Variants in NDRG1 observed in about 807,000 individuals in gnomAD.
NDRG1 encodes the protein protein NDRG1.
Under a neutral mutation model 56.9 loss-of-function variants are expected in NDRG1, and 32 were observed. The observed-to-expected ratio is 0.56, with a 90% CI of 0.42 to 0.76. The LOEUF is 0.76. NDRG1 is among the 30% of genes least tolerant of loss of function. The pLI is 0.00. For synonymous variants in NDRG1, 211 were observed against 204.1 expected (o/e 1.03, Z -0.29); for missense variants, 507 against 545.7 (o/e 0.93, Z 0.71).
chr8:133,251,589 T>C (rs1465225813), intron 9 of NDRG1, among the ~76,000 whole-genome samples: 2 of 152,222 alleles, frequency 1.3e-5, no homozygotes, highest in Non-Finnish European at 2.9e-5. Context: ...ACAGAGACAG[T>C]GGCTGTGAAT....
chr8:133,239,224 GAAGACTT>G, intron 15 of NDRG1, 105 bp from the exon 16 acceptor site: 1 of 1,515,996 alleles, frequency 6.6e-7, no homozygotes, highest in South Asian at 1.2e-5. Context: ...CAGCCCCAGA[GAAGACTT>G]GATCCCTGCA....
At position 133,238,302 on chromosome 8, in the gene NDRG1, G is replaced by A. The variant is rs747618608; in HGVS notation, c.*576C>T. 2 of 232,570 alleles carry A rather than the reference G, an allele frequency of 8.6e-6. No individual in the cohort carries two copies. The highest frequency in any genetic ancestry group is 1.7e-5 in the Non-Finnish European group (2 of 117,770). 14.4% of individuals were successfully genotyped at this position (232,570 alleles called of 1,614,324 possible). ...AAATCGGTTTCTTCAAGTTAACTAC[G>A]TAGATTTGTTGTTCCAAATGCCTCT... is the stretch of plus-strand genomic sequence containing the variant. On this transcript the variant is annotated 3_prime_UTR_variant, in exon 16 of 16. Transcript: ENST00000323851.
intron 4 of NDRG1, among the ~76,000 whole-genome samples, chr8:133,263,129 C>T (rs1305096781): frequency 6.6e-6 from 1 of 152,174 alleles, no homozygotes; most frequent in Non-Finnish European, 1.5e-5. Context: ...ATTCCAGTTC[C>T]TTGTCAGAGT....
chr8:133,264,417 CA>C, intron 4 of NDRG1, 129 bp downstream of exon 4: 1 of 820,170 alleles, frequency 1.2e-6, no homozygotes, highest in Non-Finnish European at 2.0e-6. Context: ...GAGTTCTTCC[CA>C]GAACAGCCCC....
At chr8:133,283,965 G>T (rs1586488882) in intron 2 of NDRG1, among the ~76,000 whole-genome samples, 1 of 152,240 alleles carries the variant, frequency 6.6e-6, no homozygotes, top group South Asian at 2.1e-4. Context: ...CCAGAGAAGT[G>T]GGCAAGGGGC....
chr8:133,291,552 G>A (rs1287263306), intron 1 of NDRG1, among the ~76,000 whole-genome samples: 2 of 152,160 alleles, frequency 1.3e-5, no homozygotes, highest in Non-Finnish European at 2.9e-5. Flanking sequence ...TTCACGAACT[G>A]TCTTTCTTAA....
intron 3 of NDRG1, among the ~76,000 whole-genome samples, chr8:133,271,866 G>A (rs1214068372): frequency 6.9e-6 from 1 of 145,276 alleles, no homozygotes; most frequent in Non-Finnish European, 1.5e-5. Context: ...GTAGCCAGGA[G>A]GAACACGATA....
chr8:133,243,473 C>T (rs915313549), intron 14 of NDRG1, among the ~76,000 whole-genome samples: 2 of 152,194 alleles, frequency 1.3e-5, no homozygotes, highest in African/African-American at 2.4e-5. Context: ...ATTGCAAGGA[C>T]CTAATTTAAT....
intron 3 of NDRG1, 91 bp from the exon 4 acceptor site, chr8:133,264,743 T>G: frequency 9.0e-7 from 1 of 1,107,584 alleles, no homozygotes; most frequent in Non-Finnish European, 1.4e-6. Context: ...AACTGTGTTT[T>G]GAGGAAGCTC....
chr8:133,259,266 C>T lies in NDRG1; in HGVS notation c.327-36G>A, dbSNP rs199684605. The T allele has an allele frequency of 3.1e-5, 49 of 1,597,172 alleles. No individual in the cohort carries two copies. In the East Asian group the frequency reaches 5.6e-4, roughly 18 times the overall value. Reference sequence around the variant, plus strand: ...CACAGAGAAGCCATTAGTGAGCGCCCGGACAGAAACGGGTAATCCAAACAG... The same window carrying T: ...CACAGAGAAGCCATTAGTGAGCGCCTGGACAGAAACGGGTAATCCAAACAG... On this transcript the variant is annotated intron_variant, in intron 5 of 15. Coordinates refer to ENST00000323851, the MANE Select transcript of NDRG1 (RefSeq NM_006096.4).
intron 14 of NDRG1, among the ~76,000 whole-genome samples, chr8:133,243,128 G>A (rs890444152): frequency 1.3e-5 from 2 of 152,228 alleles, no homozygotes; most frequent in African/African-American, 2.4e-5. Flanking sequence ...CACTGGTAGA[G>A]GCTGGGCTGA....
At chr8:133,296,064 C>G (rs1025720715) in intron 1 of NDRG1, among the ~76,000 whole-genome samples, 1 of 152,146 alleles carries the variant, frequency 6.6e-6, no homozygotes, top group African/African-American at 2.4e-5. Context: ...AATCCCAGCT[C>G]CAGCTACTAA....
At chr8:133,248,995 C>A (rs1296650406) in intron 10 of NDRG1, among the ~76,000 whole-genome samples, 4 of 152,142 alleles carry the variant, frequency 2.6e-5, no homozygotes, top group African/African-American at 9.7e-5. Flanking sequence ...GCAGAGCCCC[C>A]TCATTTTGTC....
At chr8:133,265,056 C>A (rs965471761) in intron 3 of NDRG1, 11 of 288,480 alleles carry the variant, frequency 3.8e-5, no homozygotes, top group African/African-American at 2.4e-4. Context: ...TGGCTTGGGG[C>A]TACACAGAAT....
rs570565199 is a variant in NDRG1, at chr8:133,250,154, T to C, written c.698+286A>G. The stretch of plus-strand genomic sequence containing the variant: ...CGTGAAGGTCAGCAGCGGGCACACA[T>C]ATTTACTCTCAACCCTCTGAGTGTG... On this transcript the variant is annotated intron_variant, in intron 10 of 15. Coordinates refer to ENST00000323851, the MANE Select transcript of NDRG1 (RefSeq NM_006096.4). Among the ~76,000 whole-genome samples the C allele has an allele frequency of 4.6e-5, 7 of 152,326 alleles. No homozygotes were observed. In the East Asian group the frequency reaches 1.4e-3, roughly 29 times the overall value.
chr8:133,245,890 C>T (rs540803108), intron 13 of NDRG1, among the ~76,000 whole-genome samples: 5 of 152,302 alleles, frequency 3.3e-5, no homozygotes, highest in East Asian at 3.9e-4. Flanking sequence ...CAATAAGTAT[C>T]GGACACCCCC....
Position 133,244,336 on chromosome 8 carries a change from A to G in NDRG1, c.891+19T>C, listed in dbSNP as rs749236860. 1 of 1,614,170 alleles carries G rather than the reference A, an allele frequency of 6.2e-7. No individual in the cohort carries two copies. Among genetic ancestry groups the G allele is most frequent in the African/African-American group, 1.3e-5 (1 of 75,074 alleles). On this transcript the variant is annotated intron_variant, in intron 14 of 15. Coordinates refer to ENST00000323851, the MANE Select transcript of NDRG1 (RefSeq NM_006096.4). ...GGGAAGCGACAGCTGTATAATGCAA[A>G]AGCCAACATGGCACTCACCTGGGAG... is the stretch of plus-strand genomic sequence containing the variant.
chr8:133,261,732 G>A (rs531228493), intron 5 of NDRG1, among the ~76,000 whole-genome samples: 1 of 152,274 alleles, frequency 6.6e-6, no homozygotes, highest in African/African-American at 2.4e-5. Context: ...CAGGAAGGCT[G>A]GGGGAATGGG....
chr8:133,243,956 G>A (rs543367430), intron 14 of NDRG1, among the ~76,000 whole-genome samples: 20 of 151,956 alleles, frequency 1.3e-4, no homozygotes, highest in African/African-American at 4.1e-4. Flanking sequence ...ACACACAGAC[G>A]TGTACACATG....
Sources: allele counts gnomAD v4.1 joint callset (sites outside exome capture counted in the v4.1 genomes callset), GRCh38; gene constraint gnomAD v4.1.1; transcripts MANE v1.5; gene names NCBI Gene and HGNC (gene_info 2026-07-23, HGNC 2026-07-21).